EYA1: variants seen among roughly 807,000 people sequenced by gnomAD.
EYA1 encodes protein phosphatase EYA1.
Under a neutral mutation model 82.0 loss-of-function variants are expected in EYA1, and 16 were observed. That is an observed-to-expected ratio of 0.20 (90% CI 0.13 to 0.30). EYA1 has a LOEUF of 0.30. Among genes scored for constraint, EYA1 ranks in the 10% least tolerant of loss-of-function variants. The probability of loss-of-function intolerance (pLI) is 1.00; values close to 1 mark genes in which losing one functional copy is unlikely to be tolerated. For missense variants in EYA1, 633 were observed against 730.7 expected (o/e 0.87, Z 1.54); for synonymous variants, 261 against 264.4 (o/e 0.99, Z 0.12).
At chr8:71,364,804 A>G (rs947380105), upstream of EYA1, among the ~76,000 whole-genome samples, 25 of 151,632 alleles carry the variant, frequency 1.6e-4, no homozygotes, top group Non-Finnish European at 2.7e-4. Flanking sequence ...CATATGCTGT[A>G]TCACCAAACA....
intron 12 of EYA1, among the ~76,000 whole-genome samples, chr8:71,231,542 C>T (rs922130567): frequency 1.3e-5 from 2 of 152,198 alleles, no homozygotes; most frequent in African/African-American, 2.4e-5. Flanking sequence ...TCCCATCTCT[C>T]AGACTCTAGC....
chr8:71,198,926 AAATTCCTCCACT>A lies in EYA1; in HGVS notation c.*402_*413del, dbSNP rs1806586237. The A allele has an allele frequency of 4.2e-6, 1 of 235,896 alleles. No individual in the cohort carries two copies. Among genetic ancestry groups the A allele is most frequent in the Non-Finnish European group, 8.5e-6 (1 of 117,050 alleles). 14.6% of individuals were successfully genotyped at this position (235,896 alleles called of 1,614,324 possible). On this transcript the variant is annotated 3_prime_UTR_variant, in exon 18 of 18. Transcript: ENST00000340726. ...CAAAAAGTAAACCTTCTTTACAAGA[AAATTCCTCCACT>A]GGTATTCAGGAAACACATTTCAGTC...
chr8:71,300,579 G>C (rs908207252), intron 7 of EYA1, among the ~76,000 whole-genome samples: 1 of 152,072 alleles, frequency 6.6e-6, no homozygotes, highest in African/African-American at 2.4e-5. Context: ...GCTTATGATT[G>C]AGAAATTTCG....
At chr8:71,334,010 T>C (rs1156814083) in intron 4 of EYA1, 87 bp downstream of exon 4, 1 of 884,960 alleles carries the variant, frequency 1.1e-6, no homozygotes, top group Non-Finnish European at 1.9e-6. Flanking sequence ...CATATACATG[T>C]ATACATATAC....
chr8:71,278,963 C>A (rs569458789), intron 9 of EYA1, among the ~76,000 whole-genome samples: 1 of 152,276 alleles, frequency 6.6e-6, no homozygotes, highest in Non-Finnish European at 1.5e-5. Flanking sequence ...ACTACTCTCC[C>A]TAAACAGAAG....
At chr8:71,396,232 CA>C (rs1429622055) in intron 2 of EYA1, among the ~76,000 whole-genome samples, 8 of 151,866 alleles carry the variant, frequency 5.3e-5, no homozygotes, top group African/African-American at 1.9e-4. Context: ...TTGATCTTTT[CA>C]AAAAACCAGC....
chr8:71,396,842 T>G (rs1410265086), intron 2 of EYA1, among the ~76,000 whole-genome samples: 1 of 152,204 alleles, frequency 6.6e-6, no homozygotes, highest in African/African-American at 2.4e-5. Context: ...CTGGATATCC[T>G]TGTTGACTTT....
intron 6 of EYA1, among the ~76,000 whole-genome samples, chr8:71,319,801 G>A (rs1406109300): frequency 6.6e-6 from 1 of 152,168 alleles, no homozygotes; most frequent in East Asian, 1.9e-4. Context: ...TCATGAATGA[G>A]CAAAGGGGAG....
At chr8:71,261,349 T>C (rs1815083675) in intron 11 of EYA1, among the ~76,000 whole-genome samples, 1 of 152,130 alleles carries the variant, frequency 6.6e-6, no homozygotes, top group South Asian at 2.1e-4. Context: ...AGATATGAAA[T>C]ATCAGATTTT....
At chr8:71,370,948 A>G (rs889683164) in intron 2 of EYA1, among the ~76,000 whole-genome samples, 65 of 152,084 alleles carry the variant, frequency 4.3e-4, no homozygotes, top group Admixed American at 1.2e-3. Context: ...AAAGTGGGGG[A>G]AAAAGTCTAA....
chr8:71,339,642 A>G (rs901845570), intron 3 of EYA1, among the ~76,000 whole-genome samples: 5 of 152,132 alleles, frequency 3.3e-5, no homozygotes, highest in Non-Finnish European at 7.3e-5. Flanking sequence ...ATCTTCCTGC[A>G]ACATTTCCCA....
chr8:71,405,618 G>A (rs921255179), intron 2 of EYA1, among the ~76,000 whole-genome samples: 3 of 152,182 alleles, frequency 2.0e-5, no homozygotes, highest in African/African-American at 7.2e-5. Context: ...GTGAATAAAT[G>A]AATGCACGCT....
At chr8:71,211,064 C>A in intron 17 of EYA1, 92 bp downstream of exon 17, 1 of 837,308 alleles carries the variant, frequency 1.2e-6, no homozygotes, top group Admixed American at 1.7e-5. Context: ...TCACGTTTCA[C>A]ATAAATGGAA....
chr8:71,330,415 T>G (rs2129042833), intron 4 of EYA1, among the ~76,000 whole-genome samples: 1 of 152,316 alleles, frequency 6.6e-6, no homozygotes, highest in East Asian at 1.9e-4. Flanking sequence ...CTCTAACCTC[T>G]GCCTCTGTTG....
chr8:71,542,653 T>C (rs900888672), intron 1 of EYA1, among the ~76,000 whole-genome samples: 3 of 152,246 alleles, frequency 2.0e-5, no homozygotes, highest in African/African-American at 4.8e-5. Context: ...TCTTCCACAA[T>C]GGTTGAACTC....
chr8:71,209,003 G>GAAAGCCACATTT (rs1489242179), intron 17 of EYA1, among the ~76,000 whole-genome samples: 1 of 152,194 alleles, frequency 6.6e-6, no homozygotes, highest in African/African-American at 2.4e-5. Flanking sequence ...CCACAAGCTA[G>GAAAGCCACATTT]AAAGCCACAT....
At chr8:71,427,892 G>T (rs1263765278) in intron 2 of EYA1, among the ~76,000 whole-genome samples, 1 of 151,616 alleles carries the variant, frequency 6.6e-6, no homozygotes, top group Non-Finnish European at 1.5e-5. Context: ...TGGTGGAAGG[G>T]TTGCTTGAGC....
intron 1 of EYA1, among the ~76,000 whole-genome samples, chr8:71,538,795 C>T (rs1177622887): frequency 2.6e-5 from 4 of 152,062 alleles, no homozygotes; most frequent in African/African-American, 9.7e-5. Flanking sequence ...AGTGGAATGA[C>T]ATTTGTTTGG....
intron 2 of EYA1, among the ~76,000 whole-genome samples, chr8:71,503,939 G>T (rs566485972): frequency 6.6e-6 from 1 of 152,096 alleles, no homozygotes; most frequent in Non-Finnish European, 1.5e-5. Flanking sequence ...GATGTGAGTC[G>T]CTGGAATGGT....
Sources: allele counts gnomAD v4.1 joint callset (sites outside exome capture counted in the v4.1 genomes callset), GRCh38; gene constraint gnomAD v4.1.1; transcripts MANE v1.5; gene names NCBI Gene and HGNC (gene_info 2026-07-23, HGNC 2026-07-21).